RDX: variants seen among roughly 807,000 people sequenced by gnomAD.
The protein encoded by RDX is radixin.
A neutral mutation model predicts 83.7 loss-of-function variants in RDX; 32 were observed. The observed-to-expected ratio is 0.38, with a 90% CI of 0.29 to 0.51. The LOEUF (loss-of-function observed/expected upper bound fraction) is 0.51. Among genes scored for constraint, RDX ranks in the 20% least tolerant of loss-of-function variants. The pLI is 0.87. For missense variants in RDX, 600 were observed against 689.9 expected, an observed-to-expected ratio of 0.87 and a Z score of 1.46; for synonymous variants, 229 against 222.7, an observed-to-expected ratio of 1.03 and a Z score of -0.25.
At chr11:110,282,753 A>G (rs1860814098) in intron 1 of RDX, among the ~76,000 whole-genome samples, 1 of 152,218 alleles carries the variant, frequency 6.6e-6, no homozygotes, top group Non-Finnish European at 1.5e-5. Context: ...CCAACGCAGG[A>G]GGATCACTTG....
At chr11:110,270,074 G>A (rs1229425238) in intron 3 of RDX, among the ~76,000 whole-genome samples, 1 of 152,024 alleles carries the variant, frequency 6.6e-6, no homozygotes, top group Non-Finnish European at 1.5e-5. Flanking sequence ...AAAGAAATAA[G>A]TAATAATAAC....
At chr11:110,224,842 T>C (rs1284365200), downstream of RDX, among the ~76,000 whole-genome samples, 1 of 152,236 alleles carries the variant, frequency 6.6e-6, no homozygotes. Flanking sequence ...ACAGTAGACA[T>C]AGCTCTTCTA....
At chr11:110,208,984 C>T (rs1027368157) in intron 14 of RDX, among the ~76,000 whole-genome samples, 5 of 152,076 alleles carry the variant, frequency 3.3e-5, no homozygotes, top group Admixed American at 6.6e-5. Flanking sequence ...AAATATAATG[C>T]GGAAGATGGC....
intron 14 of RDX, among the ~76,000 whole-genome samples, chr11:110,203,354 C>A: frequency 1.4e-5 from 2 of 147,376 alleles, no homozygotes; most frequent in South Asian, 2.1e-4. Context: ...GGATGGTTAC[C>A]AGAGGGTAAG....
Position 110,260,203 on chromosome 11 carries a change from C to A in RDX, c.468-2014G>T, listed in dbSNP as rs187077113. ...GTTTCTCCATGTTGGTCAGCCTGGT[C>A]TTGAACTCCCAGCCTCAGGTGATCC... On this transcript the variant is annotated intron_variant, in intron 5 of 13. Coordinates refer to ENST00000645495, the MANE Select transcript of RDX (RefSeq NM_002906.4). 4.6e-5 allele frequency among the ~76,000 whole-genome samples: 7 copies of A among 152,182 alleles called. No homozygotes were observed. In the East Asian group the frequency reaches 1.4e-3, roughly 29 times the overall value.
At position 110,264,769 on chromosome 11, in the gene RDX, CAT is replaced by C. The variant is rs768863755; in HGVS notation, c.192+8_192+9del. ...TAATTATTAGTTTAATGTTATCGTACATATTTTACCTTTTTATTTAGTTTAAG... is the reference window on the plus strand; with the variant it reads ...TAATTATTAGTTTAATGTTATCGTACATTTTACCTTTTTATTTAGTTTAAG... On this transcript the variant is annotated splice_region_variant and intron_variant, in intron 4 of 13. Transcript: ENST00000645495. 5 of 1,558,222 alleles carry C rather than the reference CAT, an allele frequency of 3.2e-6. No homozygotes were observed. Among genetic ancestry groups the C allele is most frequent in the Non-Finnish European group, 3.5e-6 (4 of 1,131,050 alleles).
chr11:110,211,744 T>C (rs1444981307), intron 14 of RDX, among the ~76,000 whole-genome samples: 1 of 148,866 alleles, frequency 6.7e-6, no homozygotes, highest in Non-Finnish European at 1.5e-5. Context: ...ACTGGGTACA[T>C]AACGAAATGA....
At chr11:110,182,601 A>AAACAACAACAACAAC (rs140588360) in intron 15 of RDX, among the ~76,000 whole-genome samples, 27 of 152,132 alleles carry the variant, frequency 1.8e-4, no homozygotes, top group African/African-American at 6.0e-4. Context: ...CCCCTGTCTC[A>AAACAACAACAACAAC]AACAACAACA....
At position 110,233,267 on chromosome 11, in the gene RDX, C is replaced by G. The variant is rs761349279; in HGVS notation, c.1557G>C (p.Gln519His). 13 of 1,613,710 alleles carry G rather than the reference C, an allele frequency of 8.1e-6. No individual in the cohort carries two copies. The highest frequency in any genetic ancestry group is 1.1e-5 in the Non-Finnish European group (13 of 1,179,970). The part of the protein sequence containing the change: ...RSEEERVTET[Q>H]KNERVKKQLQ... ...GTTGCTTCTTAACACGCTCATTTTT[C>G]TGTGTTTCGGTTACACGTTCTTCCT... is the stretch of plus-strand genomic sequence containing the variant. Residue 519 changes from glutamine (Q) to histidine (H), a missense_variant, in exon 13 of 14, where the codon CAG becomes CAC. By Grantham distance (24) the Gln-to-His change is conservative. Coordinates refer to ENST00000645495, the MANE Select transcript of RDX (RefSeq NM_002906.4).
At position 110,196,513 on chromosome 11, in the gene RDX, C is replaced by T. The variant is rs565806123; in HGVS notation, c.*31+3068G>A. ...GAATTATGATGTGGATATAAGATGACGGTATAAACACTCTCTCTTTCATGT... is the reference window on the plus strand; with the variant it reads ...GAATTATGATGTGGATATAAGATGATGGTATAAACACTCTCTCTTTCATGT... On this transcript the variant is annotated intron_variant, in intron 15 of 15. Transcript: ENST00000528498. 1.4e-3 allele frequency among the ~76,000 whole-genome samples: 217 copies of T among 152,304 alleles called. 2 individuals carry two copies. The highest frequency in any genetic ancestry group is 2.8e-3 in the Non-Finnish European group (188 of 68,034).
intron 9 of RDX, among the ~76,000 whole-genome samples, chr11:110,250,078 T>C (rs1038226762): frequency 6.6e-6 from 1 of 152,170 alleles, no homozygotes; most frequent in Non-Finnish European, 1.5e-5. Context: ...ATAAAGCATA[T>C]ACAGGCAGAG....
intron 15 of RDX, among the ~76,000 whole-genome samples, chr11:110,184,112 G>A (rs1862939489): frequency 6.6e-6 from 1 of 152,212 alleles, no homozygotes; most frequent in South Asian, 2.1e-4. Flanking sequence ...GGGAGAGGGA[G>A]CACGTGAGAG....
At chr11:110,220,137 T>C (rs1864194736) in intron 14 of RDX, among the ~76,000 whole-genome samples, 1 of 151,952 alleles carries the variant, frequency 6.6e-6, no homozygotes, top group Non-Finnish European at 1.5e-5. Flanking sequence ...ACATGGGGAG[T>C]GATACCTTCT....
At chr11:110,260,466 G>C (rs922528523) in intron 5 of RDX, among the ~76,000 whole-genome samples, 4 of 151,566 alleles carry the variant, frequency 2.6e-5, no homozygotes, top group Admixed American at 2.0e-4. Context: ...TTCTGAGATG[G>C]AGTCTCGCTC....
chr11:110,189,288 G>GAAAAAAAAAAAAAAAAAA, intron 15 of RDX, among the ~76,000 whole-genome samples: 2 of 95,560 alleles, frequency 2.1e-5, no homozygotes, highest in African/African-American at 7.4e-5. Flanking sequence ...ATTACATAAT[G>GAAAAAAAAAAAAAAAAAA]ACAAAGGGAT....
chr11:110,262,836 T>A (rs1019901736), intron 5 of RDX, among the ~76,000 whole-genome samples: 2 of 152,170 alleles, frequency 1.3e-5, no homozygotes, highest in Non-Finnish European at 2.9e-5. Flanking sequence ...GTGGAATCGG[T>A]ACTCAAAATT....
intron 15 of RDX, among the ~76,000 whole-genome samples, chr11:110,189,174 T>C (rs181238435): frequency 8.1e-6 from 1 of 123,398 alleles, no homozygotes; most frequent in East Asian, 2.5e-4. Flanking sequence ...ATCATGCAAA[T>C]GGAAAATAAA....
intron 14 of RDX, among the ~76,000 whole-genome samples, chr11:110,202,283 T>C (rs1031387614): frequency 3.3e-5 from 5 of 151,792 alleles, no homozygotes; most frequent in African/African-American, 1.2e-4. Flanking sequence ...TAGTCCCAGC[T>C]ACTCTGGAGG....
intron 1 of RDX, among the ~76,000 whole-genome samples, chr11:110,280,967 C>A (rs574384916): frequency 1.3e-5 from 2 of 152,280 alleles, no homozygotes; most frequent in Admixed American, 6.5e-5. Flanking sequence ...GAGTTTGAGA[C>A]CAGCCTGGCC....
Sources: gnomAD v4.1 joint callset for allele counts (sites outside exome capture counted in the v4.1 genomes callset) on GRCh38, gnomAD v4.1.1 for gene constraint, MANE v1.5 for transcripts, NCBI Gene and HGNC (gene_info 2026-07-23, HGNC 2026-07-21) for gene names.